Variants in DSCAML1 observed in about 807,000 individuals in gnomAD.
DSCAML1 encodes cell adhesion molecule DSCAML1.
DSCAML1 carries 38 observed loss-of-function variants against 200.5 expected under a neutral mutation model. The observed-to-expected ratio is 0.19, with a 90% CI of 0.15 to 0.25. DSCAML1 has a LOEUF of 0.25. DSCAML1 is among the 10% of genes least tolerant of loss of function. The probability of loss-of-function intolerance (pLI) is 1.00; values close to 1 mark genes in which losing one functional copy is unlikely to be tolerated. For synonymous variants in DSCAML1, 1,215 were observed against 1,165.0 expected (o/e 1.04, Z -0.87); for missense variants, 2,223 against 2,858.8 (o/e 0.78, Z 5.07).
At chr11:117,451,624 G>T (rs2048285332) in intron 19 of DSCAML1, among the ~76,000 whole-genome samples, 2 of 152,186 alleles carry the variant, frequency 1.3e-5, no homozygotes. Flanking sequence ...AGGAGTTTGA[G>T]ACCAGCCTGG....
chr11:117,631,415 C>A (rs978825997), intron 3 of DSCAML1, among the ~76,000 whole-genome samples: 3 of 152,340 alleles, frequency 2.0e-5, no homozygotes, highest in Admixed American at 2.0e-4. Context: ...AGGAGAGCTG[C>A]GGGCTGCAGG....
intron 1 of DSCAML1, among the ~76,000 whole-genome samples, chr11:117,781,507 G>A (rs1055254259): frequency 3.3e-5 from 5 of 152,182 alleles, no homozygotes; most frequent in Non-Finnish European, 7.3e-5. Flanking sequence ...TACAGGAGCT[G>A]GGATGCTCGC....
chr11:117,572,323 T>C (rs1260191868), intron 3 of DSCAML1, among the ~76,000 whole-genome samples: 1 of 152,198 alleles, frequency 6.6e-6, no homozygotes, highest in African/African-American at 2.4e-5. Context: ...AGCTGTGGCC[T>C]CTCCGAGTTT....
chr11:117,613,189 C>G (rs563240691), intron 3 of DSCAML1, among the ~76,000 whole-genome samples: 1 of 151,910 alleles, frequency 6.6e-6, no homozygotes, highest in African/African-American at 2.4e-5. Context: ...CAACTCAGAC[C>G]GAGCATTCTG....
At chr11:117,676,996 A>G (rs530429491) in intron 3 of DSCAML1, among the ~76,000 whole-genome samples, 1 of 151,778 alleles carries the variant, frequency 6.6e-6, no homozygotes, top group Admixed American at 6.5e-5. Context: ...AGGCCCGGAG[A>G]CCCCTGATCA....
chr11:117,559,956 C>G (rs965343289), intron 3 of DSCAML1, among the ~76,000 whole-genome samples: 4 of 152,032 alleles, frequency 2.6e-5, no homozygotes, highest in Non-Finnish European at 5.9e-5. Context: ...GGGGGAAAGT[C>G]CTGCCCCAAA....
intron 3 of DSCAML1, among the ~76,000 whole-genome samples, chr11:117,544,062 T>C (rs952229064): frequency 2.0e-5 from 3 of 151,874 alleles, no homozygotes; most frequent in Non-Finnish European, 2.9e-5. Context: ...GCGAATAGGG[T>C]GAGGCTTTGC....
intron 3 of DSCAML1, among the ~76,000 whole-genome samples, chr11:117,682,796 G>A (rs1029442184): frequency 1.3e-5 from 2 of 152,192 alleles, no homozygotes; most frequent in African/African-American, 4.8e-5. Context: ...GAAAAACTGT[G>A]AAGGCCAGAG....
intron 3 of DSCAML1, among the ~76,000 whole-genome samples, chr11:117,721,512 T>TGGCCTG (rs888493383): frequency 4.6e-5 from 7 of 152,258 alleles, no homozygotes; most frequent in African/African-American, 1.7e-4. Flanking sequence ...CCCTGTTCTT[T>TGGCCTG]GGCCTGGGCC....
In DSCAML1 at chr11:117,587,067, G is replaced by A. The variant is rs552918665; in HGVS notation, c.512-54545C>T. Among the ~76,000 whole-genome samples, 10 of 152,214 alleles carry A rather than the reference G, an allele frequency of 6.6e-5. No individual in the cohort carries two copies. In the South Asian group the frequency reaches 1.9e-3, roughly 28 times the overall value. ...TTCTTTAGGCAGGTGGCCACATCAC[G>A]CAGGACCCCAGGGAGAAGGCTCTCC... On this transcript the variant is annotated intron_variant, in intron 3 of 32. Transcript: ENST00000651296.
chr11:117,675,069 C>T (rs909296093), intron 3 of DSCAML1, among the ~76,000 whole-genome samples: 19 of 152,140 alleles, frequency 1.2e-4, no homozygotes, highest in Admixed American at 9.8e-4. Flanking sequence ...GGCAAGTTAT[C>T]GCCCATTCTG....
chr11:117,549,407 C>T (rs542997647), intron 3 of DSCAML1, among the ~76,000 whole-genome samples: 29 of 152,340 alleles, frequency 1.9e-4, no homozygotes, highest in Admixed American at 1.3e-3. Context: ...ATTGAATGAG[C>T]GCATGAATCT....
At chr11:117,481,523 G>A (rs553297299) in intron 12 of DSCAML1, among the ~76,000 whole-genome samples, 33 of 144,158 alleles carry the variant, frequency 2.3e-4, no homozygotes, top group African/African-American at 7.8e-4. Context: ...AGTGGGAGGG[G>A]CTGAGGGGGT....
chr11:117,435,914 C>T, intron 26 of DSCAML1, 115 bp from the exon 27 acceptor site: 1 of 1,195,674 alleles, frequency 8.4e-7, no homozygotes, highest in Non-Finnish European at 1.1e-6. Context: ...GCTCTGACCT[C>T]CACCTCCTGG....
intron 3 of DSCAML1, among the ~76,000 whole-genome samples, chr11:117,576,521 A>G (rs1440528531): frequency 6.6e-6 from 1 of 152,156 alleles, no homozygotes; most frequent in East Asian, 1.9e-4. Context: ...TTCAGTATGG[A>G]TTTCAGTCCA....
intron 15 of DSCAML1, among the ~76,000 whole-genome samples, chr11:117,470,470 G>C (rs1216697962): frequency 4.6e-5 from 7 of 152,234 alleles, no homozygotes; most frequent in Non-Finnish European, 1.0e-4. Context: ...AGCTGCTCGG[G>C]AGGCTGAGGC....
At chr11:117,687,383 C>T (rs541260743) in intron 3 of DSCAML1, among the ~76,000 whole-genome samples, 39 of 150,332 alleles carry the variant, frequency 2.6e-4, no homozygotes, top group African/African-American at 8.4e-4. Context: ...ACCTCAGCCT[C>T]GCAAGTAATT....
rs1241761353 is a variant in DSCAML1 at position 117,516,904 on chromosome 11, A to G, written c.1511-165T>C. Among the ~76,000 whole-genome samples the G allele has an allele frequency of 1.3e-5, 2 of 152,138 alleles. No homozygotes were observed. Among genetic ancestry groups the G allele is most frequent in the East Asian group, 3.9e-4 (2 of 5,172 alleles). On this transcript the variant is annotated intron_variant, in intron 7 of 32. Transcript: ENST00000651296. This position sits in a 1 kb window ranked among gnomAD's most constrained non-coding sequence, Gnocchi z 5.7. ...CACAGGGATGCCTTTTTACAAAGCTACAGACAGGGGCTGGAATTGGGGGGT... is the reference window on the plus strand; with the variant it reads ...CACAGGGATGCCTTTTTACAAAGCTGCAGACAGGGGCTGGAATTGGGGGGT...
At chr11:117,768,512 G>A (rs185596399) in intron 3 of DSCAML1, among the ~76,000 whole-genome samples, 1 of 152,174 alleles carries the variant, frequency 6.6e-6, no homozygotes, top group Non-Finnish European at 1.5e-5. Context: ...CAGGTGGTGA[G>A]TAATGATGCC....
Sources: gnomAD v4.1 joint callset for allele counts (sites outside exome capture counted in the v4.1 genomes callset) on GRCh38, gnomAD v4.1.1 for gene constraint, Gnocchi (gnomAD v3.1) non-coding constraint, MANE v1.5 for transcripts, NCBI Gene and HGNC (gene_info 2026-07-23, HGNC 2026-07-21) for gene names.